The following PDE1A variants were observed in gnomAD, a reference collection of about 807,000 sequenced individuals.
PDE1A encodes phosphodiesterase 1A.
Under a neutral mutation model 61.7 loss-of-function variants are expected in PDE1A, and 35 were observed. The observed-to-expected ratio is 0.57, with a 90% CI of 0.43 to 0.75. The LOEUF (loss-of-function observed/expected upper bound fraction) is 0.75. Ranked by LOEUF, PDE1A falls within the 30% of genes least tolerant of loss-of-function variation. PDE1A has a pLI of 0.00. For synonymous variants in PDE1A, 232 were observed against 213.2 expected, an observed-to-expected ratio of 1.09 and a Z score of -0.77; for missense variants, 597 against 630.6, an observed-to-expected ratio of 0.95 and a Z score of 0.57.
At chr2:182,239,570 G>A (rs1366065472) in intron 3 of PDE1A, among the ~76,000 whole-genome samples, 1 of 151,218 alleles carries the variant, frequency 6.6e-6, no homozygotes, top group East Asian at 1.9e-4. Flanking sequence ...GCGTTTCTAG[G>A]GGCCATCAAA....
At chr2:182,241,371 A>T (rs1690494860) in intron 2 of PDE1A, among the ~76,000 whole-genome samples, 2 of 152,148 alleles carry the variant, frequency 1.3e-5, no homozygotes, top group African/African-American at 4.8e-5. Context: ...TGCTTTTGAA[A>T]ATCTCTTTGC....
chr2:182,169,462 T>G (rs951505242), intron 13 of PDE1A, among the ~76,000 whole-genome samples: 14 of 152,160 alleles, frequency 9.2e-5, no homozygotes, highest in African/African-American at 3.4e-4. Flanking sequence ...CTAAAATTAT[T>G]GATCACAACA....
At chr2:182,361,387 G>A (rs1263112305) in intron 1 of PDE1A, among the ~76,000 whole-genome samples, 1 of 152,060 alleles carries the variant, frequency 6.6e-6, no homozygotes, top group African/African-American at 2.4e-5. Flanking sequence ...AATTGCAAAT[G>A]ATACTTGCTT....
intron 2 of PDE1A, among the ~76,000 whole-genome samples, chr2:182,482,447 C>T (rs4666836): frequency 0.27 from 40,286 of 151,550 alleles, 5,560 homozygotes; most frequent in Middle Eastern, 0.43. Context: ...AAATATTTTA[C>T]CAAATTCAAA....
rs184048752 is a variant in PDE1A at position 182,155,911 on chromosome 2, A to G, written c.1517-8759T>C. The stretch of plus-strand genomic sequence containing the variant: ...CGTCTCAATAATAATAATAATCCCC[A>G]CAGCTCAAGGGCGGGGCCAGGTGAA... On this transcript the variant is annotated intron_variant, in intron 13 of 13. Coordinates refer to the PDE1A transcript ENST00000409365. 4.4e-4 allele frequency among the ~76,000 whole-genome samples: 67 copies of G among 152,238 alleles called. 1 individual carries two copies. Among genetic ancestry groups the G allele is most frequent in the Non-Finnish European group, 5.4e-4 (37 of 68,000 alleles).
the PDE1A span, among the ~76,000 whole-genome samples, chr2:182,668,866 T>TGCGAGCC: frequency 6.6e-6 from 1 of 152,146 alleles, no homozygotes; most frequent in African/African-American, 2.4e-5. Context: ...TCCTGCCTCG[T>TGCGAGCC]GCGAGCCGGT....
At chr2:182,502,779 A>G (rs945094532) in intron 2 of PDE1A, among the ~76,000 whole-genome samples, 4 of 152,052 alleles carry the variant, frequency 2.6e-5, no homozygotes, top group African/African-American at 9.7e-5. Context: ...TGACAGCAAA[A>G]CCTGACCTGA....
intron 1 of PDE1A, among the ~76,000 whole-genome samples, chr2:182,355,711 G>C (rs1018853824): frequency 6.6e-6 from 1 of 151,858 alleles, no homozygotes; most frequent in Non-Finnish European, 1.5e-5. Flanking sequence ...TTTTAAAAAG[G>C]CTTTTAATTA....
At chr2:182,590,477 AT>A in the PDE1A span, among the ~76,000 whole-genome samples, 2 of 152,152 alleles carry the variant, frequency 1.3e-5, no homozygotes, top group African/African-American at 4.8e-5. Context: ...CAAAAAAAAA[AT>A]GTGTGTGCAC....
At chr2:182,645,409 C>T in the PDE1A span, among the ~76,000 whole-genome samples, 1,147 of 152,310 alleles carry the variant, frequency 7.5e-3, 14 homozygotes, top group African/African-American at 0.026. Flanking sequence ...AAAATCATCA[C>T]TGGCAATCTA....
chr2:182,382,509 A>G (rs904432443), intron 1 of PDE1A, among the ~76,000 whole-genome samples: 3 of 152,200 alleles, frequency 2.0e-5, no homozygotes, highest in African/African-American at 7.2e-5. Flanking sequence ...AGCCCAGACT[A>G]GCTAACACCT....
At chr2:182,521,523 C>T (rs1439956918) in intron 2 of PDE1A, among the ~76,000 whole-genome samples, 1 of 151,896 alleles carries the variant, frequency 6.6e-6, no homozygotes, top group Non-Finnish European at 1.5e-5. Context: ...GGTGCTGAAA[C>T]ACTAAACAGG....
At chr2:182,343,083 T>C (rs1698301424) in intron 1 of PDE1A, among the ~76,000 whole-genome samples, 1 of 152,256 alleles carries the variant, frequency 6.6e-6, no homozygotes, top group Non-Finnish European at 1.5e-5. Flanking sequence ...CATTGTCTTA[T>C]ATACAAATAG....
the PDE1A span, among the ~76,000 whole-genome samples, chr2:182,715,325 T>C: frequency 6.6e-6 from 1 of 152,172 alleles, no homozygotes; most frequent in Non-Finnish European, 1.5e-5. Flanking sequence ...TCCTGAGACA[T>C]ATTAACTACT....
chr2:182,676,145 C>T, the PDE1A span, among the ~76,000 whole-genome samples: 1 of 151,826 alleles, frequency 6.6e-6, no homozygotes, highest in Non-Finnish European at 1.5e-5. Context: ...TAAATGAATC[C>T]AGGAGTTGGC....
At chr2:182,170,516 T>C (rs1387415024) in intron 13 of PDE1A, among the ~76,000 whole-genome samples, 1 of 152,022 alleles carries the variant, frequency 6.6e-6, no homozygotes, top group Non-Finnish European at 1.5e-5. Flanking sequence ...CTTTCCTCTT[T>C]CTGTCTGTAC....
At chr2:182,714,657 C>T in the PDE1A span, among the ~76,000 whole-genome samples, 9 of 151,984 alleles carry the variant, frequency 5.9e-5, 1 homozygote, top group South Asian at 6.2e-4. Context: ...CTCTGTCTCC[C>T]GGGTTCAAGC....
chr2:182,299,414 A>G (rs922324646), intron 1 of PDE1A, among the ~76,000 whole-genome samples: 24 of 148,910 alleles, frequency 1.6e-4, no homozygotes, highest in African/African-American at 5.2e-4. Context: ...CAAGTCCTTA[A>G]TACCGCTTCC....
chr2:182,467,016 C>T (rs1403544433), intron 2 of PDE1A, among the ~76,000 whole-genome samples: 1 of 151,182 alleles, frequency 6.6e-6, no homozygotes, highest in Non-Finnish European at 1.5e-5. Flanking sequence ...ACTAAAAAGG[C>T]AGCTAGAGAT....
Sources: gnomAD v4.1 joint callset for allele counts (sites outside exome capture counted in the v4.1 genomes callset) on GRCh38, gnomAD v4.1.1 for gene constraint, MANE v1.5 for transcripts, NCBI Gene and HGNC (gene_info 2026-07-23, HGNC 2026-07-21) for gene names.